The following HECW1 variants were observed in gnomAD, a reference collection of about 807,000 sequenced individuals.
HECW1 encodes the protein HECT, C2 and WW domain containing E3 ubiquitin protein ligase 1, also known as E3 ubiquitin-protein ligase HECW1.
A neutral mutation model predicts 182.3 loss-of-function variants in HECW1; 61 were observed. The ratio of observed to expected loss-of-function variants is 0.33; its 90% CI spans 0.27 to 0.41. The LOEUF is 0.41. Among genes scored for constraint, HECW1 ranks in the 10% least tolerant of loss-of-function variants. HECW1 has a pLI of 1.00. For missense variants in HECW1, 1,739 were observed against 2,108.9 expected (o/e 0.82, Z 3.44); for synonymous variants, 859 against 832.6 (o/e 1.03, Z -0.55).
At chr7:43,318,711 G>A (rs542131323) in intron 4 of HECW1, among the ~76,000 whole-genome samples, 7 of 152,352 alleles carry the variant, frequency 4.6e-5, no homozygotes, top group Non-Finnish European at 1.0e-4. Flanking sequence ...TCTCTTGTCT[G>A]TTTTCTCAGT....
At chr7:43,471,452 A>G (rs550128451) in intron 16 of HECW1, among the ~76,000 whole-genome samples, 11 of 152,326 alleles carry the variant, frequency 7.2e-5, no homozygotes, top group African/African-American at 2.4e-4. Context: ...ATTTGCTTTT[A>G]TTATCCACCA....
In HECW1 at chr7:43,116,190, G is replaced by A. The variant is rs763620721; in HGVS notation, c.-32+1799G>A. 1.2e-4 allele frequency among the ~76,000 whole-genome samples: 19 copies of A among 152,070 alleles called. 1 individual carries two copies. Among genetic ancestry groups the A allele is most frequent in the Admixed American group, 9.2e-4 (14 of 15,266 alleles). The stretch of plus-strand genomic sequence containing the variant: ...CCACCCTCAGTAAACAAAAAAACAC[G>A]TAGAGAATGAGTTCAAATGCTGTAG... On this transcript the variant is annotated intron_variant, in intron 2 of 29. Coordinates refer to ENST00000395891, the MANE Select transcript of HECW1 (RefSeq NM_015052.5).
At chr7:43,224,812 A>G (rs1273081253) in intron 2 of HECW1, among the ~76,000 whole-genome samples, 2 of 152,198 alleles carry the variant, frequency 1.3e-5, no homozygotes, top group Admixed American at 6.5e-5. Flanking sequence ...GTCTCAAATG[A>G]AAACCAAACA....
At chr7:43,198,667 ACACT>A (rs1021772659) in intron 2 of HECW1, among the ~76,000 whole-genome samples, 56 of 146,060 alleles carry the variant, frequency 3.8e-4, no homozygotes, top group African/African-American at 1.2e-3. Context: ...ACACACCCCC[ACACT>A]CACACACACA....
intron 17 of HECW1, among the ~76,000 whole-genome samples, chr7:43,486,344 T>G (rs1359045302): frequency 1.3e-5 from 2 of 151,856 alleles, no homozygotes; most frequent in Non-Finnish European, 1.5e-5. Flanking sequence ...TGGAGTGCAA[T>G]GGCACGGAGT....
At chr7:43,391,242 A>G (rs532586397) in intron 6 of HECW1, among the ~76,000 whole-genome samples, 1 of 152,340 alleles carries the variant, frequency 6.6e-6, no homozygotes, top group Admixed American at 6.5e-5. Context: ...GAAGGTATGT[A>G]AGTTCTGGAA....
At chr7:43,350,501 T>C (rs1304128693) in intron 5 of HECW1, among the ~76,000 whole-genome samples, 1 of 152,156 alleles carries the variant, frequency 6.6e-6, no homozygotes, top group African/African-American at 2.4e-5. Flanking sequence ...ATATCGTTTA[T>C]ATTTAGGTTT....
At chr7:43,453,710 G>A (rs952551241) in intron 12 of HECW1, among the ~76,000 whole-genome samples, 2 of 152,190 alleles carry the variant, frequency 1.3e-5, no homozygotes, top group African/African-American at 4.8e-5. Flanking sequence ...ATAATTTAGT[G>A]TGCAATAGAT....
chr7:43,269,953 T>C (rs1256323549), intron 3 of HECW1, among the ~76,000 whole-genome samples: 1 of 152,196 alleles, frequency 6.6e-6, no homozygotes, highest in African/African-American at 2.4e-5. Flanking sequence ...TAAAACAAGG[T>C]TGAGAAGCCG....
intron 2 of HECW1, among the ~76,000 whole-genome samples, chr7:43,167,513 T>A (rs1411406333): frequency 6.6e-6 from 1 of 152,152 alleles, no homozygotes; most frequent in African/African-American, 2.4e-5. Context: ...TGGAAGAGGT[T>A]CGGAGGATGA....
chr7:43,557,656 CATA>C (rs2082074859), intron 29 of HECW1, among the ~76,000 whole-genome samples: 1 of 152,144 alleles, frequency 6.6e-6, no homozygotes, highest in South Asian at 2.1e-4. Context: ...AGATAATAGT[CATA>C]ATAAGTTAGA....
At chr7:43,206,326 G>T (rs1256090486) in intron 2 of HECW1, among the ~76,000 whole-genome samples, 4 of 152,174 alleles carry the variant, frequency 2.6e-5, no homozygotes, top group South Asian at 2.1e-4. Context: ...AAATCAAGGG[G>T]TTAGGAAGAC....
chr7:43,426,213 A>G (rs1041664449), intron 8 of HECW1, among the ~76,000 whole-genome samples: 1 of 152,248 alleles, frequency 6.6e-6, no homozygotes, highest in Admixed American at 6.5e-5. Context: ...ATCTGTTTAT[A>G]TATAGATACA....
intron 29 of HECW1, among the ~76,000 whole-genome samples, chr7:43,557,913 A>G (rs2082084348): frequency 6.6e-6 from 1 of 152,230 alleles, no homozygotes; most frequent in African/African-American, 2.4e-5. Context: ...AATGCCAGCC[A>G]AAACCTATGG....
At chr7:43,200,832 C>G (rs1794958619) in intron 2 of HECW1, among the ~76,000 whole-genome samples, 4 of 152,042 alleles carry the variant, frequency 2.6e-5, no homozygotes, top group Admixed American at 2.6e-4. Context: ...ATGCTCACCT[C>G]TGACTCTGTT....
At chr7:43,130,038 A>G (rs1335733344) in intron 2 of HECW1, among the ~76,000 whole-genome samples, 1 of 152,210 alleles carries the variant, frequency 6.6e-6, no homozygotes, top group Non-Finnish European at 1.5e-5. Context: ...TTAGATTAGA[A>G]AGGCTGATTG....
intron 5 of HECW1, among the ~76,000 whole-genome samples, chr7:43,349,885 T>A (rs1412470002): frequency 2.6e-5 from 4 of 152,222 alleles, no homozygotes; most frequent in Non-Finnish European, 5.9e-5. Context: ...ATTGCTTTCA[T>A]CATGTTCTTT....
intron 2 of HECW1, among the ~76,000 whole-genome samples, chr7:43,134,393 CAAAAAAAAAAAAAA>C (rs35414360): frequency 1.1e-5 from 1 of 87,772 alleles, no homozygotes; most frequent in Non-Finnish European, 2.0e-5. Flanking sequence ...GACTCTGTCT[CAAAAAAAAAAAAAA>C]AAAAAAAAGA....
At chr7:43,525,515 AG>A (rs2080721512) in intron 24 of HECW1, among the ~76,000 whole-genome samples, 1 of 152,342 alleles carries the variant, frequency 6.6e-6, no homozygotes, top group South Asian at 2.1e-4. Context: ...GAATGACAGG[AG>A]GGGTGGGCCC....
Sources: allele counts gnomAD v4.1 joint callset (sites outside exome capture counted in the v4.1 genomes callset), GRCh38; gene constraint gnomAD v4.1.1; transcripts MANE v1.5; gene names NCBI Gene and HGNC (gene_info 2026-07-23, HGNC 2026-07-21).